Variants in TIGD3 observed in about 807,000 individuals in gnomAD.
TIGD3 encodes the protein tigger transposable element derived 3, also known as tigger transposable element-derived protein 3.
TIGD3 carries 7 observed loss-of-function variants against 14.8 expected under a neutral mutation model. The observed-to-expected ratio is 0.47, with a 90% CI of 0.27 to 0.89. TIGD3 has a LOEUF of 0.89. Ranked by LOEUF, TIGD3 falls within the 40% of genes least tolerant of loss-of-function variation. The pLI is 0.13. For missense variants in TIGD3, 581 were observed against 611.0 expected (o/e 0.95, Z 0.52); for synonymous variants, 243 against 269.4 (o/e 0.90, Z 0.96).
chr11:65,356,399 G>A lies in TIGD3; in HGVS notation c.591G>A (p.Val197=). Residue 197 remains valine, a synonymous_variant, in exon 2 of 2, where the codon GTG becomes GTA. Coordinates refer to ENST00000309880, the MANE Select transcript of TIGD3 (RefSeq NM_145719.3). This position sits in a 1 kb window ranked among gnomAD's most constrained non-coding sequence, Gnocchi z 5.2. ...GSFGACDQVQ[V]LLCANSRGTE... ...TTGGTGCATGTGATCAAGTACAGGT[G>A]CTGCTGTGTGCCAACAGCAGGGGCA... The A allele has an allele frequency of 6.2e-7, 1 of 1,610,652 alleles. No individual in the cohort carries two copies. The highest frequency in any genetic ancestry group is 8.5e-7 in the Non-Finnish European group (1 of 1,180,022).
Position 65,357,389 on chromosome 11 carries a change from C to T in TIGD3, c.*165C>T, listed in dbSNP as rs1590615522. 1 of 662,806 alleles carries T rather than the reference C, an allele frequency of 1.5e-6. No homozygotes were observed. The highest frequency in any genetic ancestry group is 2.0e-5 in the South Asian group (1 of 50,924). The allele number at this position is 662,806 out of a possible 1,614,324, so 41.1% of individuals were successfully genotyped here. The stretch of plus-strand genomic sequence containing the variant: ...CCAAGTCTGAGCTTGGAGTGGCAGT[C>T]GTCCAAACCCCAGGAAGAGAGCTCT... On this transcript the variant is annotated 3_prime_UTR_variant, in exon 2 of 2. Coordinates refer to ENST00000309880, the MANE Select transcript of TIGD3 (RefSeq NM_145719.3).
chr11:65,356,278 A>G lies in TIGD3; in HGVS notation c.470A>G (p.Gln157Arg), dbSNP rs372618746. Residue 157 changes from glutamine to arginine, a missense_variant, in exon 2 of 2, where the codon CAG becomes CGG. By Grantham distance (43) the Gln-to-Arg change is conservative. Coordinates refer to ENST00000309880, the MANE Select transcript of TIGD3 (RefSeq NM_145719.3). The surrounding 1 kb of genome is among the most constrained non-coding windows in gnomAD (Gnocchi z 5.2). ...PEPPPPGLTSQAQLPLSLKDF... is the reference protein window; with the variant it reads ...PEPPPPGLTSRAQLPLSLKDF... ...CCACCTCCCCCGGGGCTCACATCCC[A>G]GGCTCAGCTGCCTCTTTCCCTAAAA... 435 of 1,612,628 alleles carry G rather than the reference A, an allele frequency of 2.7e-4. No homozygotes were observed. Among genetic ancestry groups the G allele is most frequent in the Non-Finnish European group, 3.6e-4 (422 of 1,179,970 alleles).
chr11:65,356,988 C>T lies in TIGD3; in HGVS notation c.1180C>T (p.Arg394Cys), dbSNP rs749615100. 7 of 1,614,042 alleles carry T rather than the reference C, an allele frequency of 4.3e-6. No individual in the cohort carries two copies. The East Asian group carries it at 1.3e-4, about 31-fold the overall frequency. ...CGGGCTGAGCCTGGAGGAGTTTTCC[C>T]GCTTTGTGGACCTGGAGGGTGAGGA... ...PGGLSLEEFS[R>C]FVDLEGEEPR... Residue 394 changes from arginine (R) to cysteine (C), a missense_variant, in exon 2 of 2, where the codon CGC becomes TGC. Coordinates refer to ENST00000309880, the MANE Select transcript of TIGD3 (RefSeq NM_145719.3). This position sits in a 1 kb window ranked among gnomAD's most constrained non-coding sequence, Gnocchi z 5.2.
chr11:65,356,003 C>A lies in TIGD3; in HGVS notation c.195C>A (p.Asn65Lys). 6.2e-7 allele frequency: 1 copy of A among 1,613,790 alleles called. No individual in the cohort carries two copies. The highest frequency in any genetic ancestry group is 1.1e-5 in the South Asian group (1 of 91,086). Reference sequence around the variant, plus strand: ...CGGACTGGTGCAGCGGCACAGCCAACCGAGAGCGCAAGCGCAAGCGGGAGT... The same window carrying A: ...CGGACTGGTGCAGCGGCACAGCCAAACGAGAGCGCAAGCGCAAGCGGGAGT... ...LLADWCSGTA[N>K]RERKRKRESK... Residue 65 changes from asparagine (N) to lysine (K), a missense_variant, in exon 2 of 2, where the codon AAC becomes AAA. Transcript: ENST00000309880. The surrounding 1 kb of genome is among the most constrained non-coding windows in gnomAD (Gnocchi z 5.2).
At chr11:65,355,280 C>T (rs1174876352) in intron 1 of TIGD3, among the ~76,000 whole-genome samples, 1 of 152,062 alleles carries the variant, frequency 6.6e-6, no homozygotes, top group Non-Finnish European at 1.5e-5. Flanking sequence ...AAATTAGCCT[C>T]GCTCCTTCAG....
At chr11:65,355,037 C>A (rs904032329) in intron 1 of TIGD3, 80 bp downstream of exon 1, 1 of 151,950 alleles carries the variant, frequency 6.6e-6, no homozygotes, top group South Asian at 2.1e-4. Context: ...GGGGAGTGAC[C>A]GGCCAGGGCA....
Position 65,356,825 on chromosome 11 carries a change from C to G in TIGD3, c.1017C>G (p.Asp339Glu). The change falls in exon 2 of 2, where the codon GAC (aspartate) becomes GAG (glutamate). Residue 339 changes from aspartate (D) to glutamate (E), a missense_variant. Coordinates refer to ENST00000309880, the MANE Select transcript of TIGD3 (RefSeq NM_145719.3). This position sits in a 1 kb window ranked among gnomAD's most constrained non-coding sequence, Gnocchi z 5.2. ...CCGGGGCAGGCATCACCGTGCTGGA[C>G]GCCCTGCACGTGGCGTCTGCCGCCT... ...AEAGAGITVLDALHVASAAWA... is the reference protein window; with the variant it reads ...AEAGAGITVLEALHVASAAWA... 2 of 1,613,130 alleles carry G rather than the reference C, an allele frequency of 1.2e-6. No individual in the cohort carries two copies. The highest frequency in any genetic ancestry group is 3.3e-4 in the Middle Eastern group (2 of 6,062).
At position 65,356,020 on chromosome 11, in the gene TIGD3, A is replaced by C. The variant is rs138275061; in HGVS notation, c.212A>C (p.Lys71Thr). 6.2e-7 allele frequency: 1 copy of C among 1,613,616 alleles called. No homozygotes were observed. Among genetic ancestry groups the C allele is most frequent in the Non-Finnish European group, 8.5e-7 (1 of 1,180,028 alleles). ...ACAGCCAACCGAGAGCGCAAGCGCA[A>C]GCGGGAGTCCAAGTACAGCGGGATC... is the stretch of plus-strand genomic sequence containing the variant. Reference protein sequence around the residue: ...SGTANRERKRKRESKYSGIDE... With the variant: ...SGTANRERKRTRESKYSGIDE... Residue 71 changes from lysine to threonine, a missense_variant, in exon 2 of 2, where the codon AAG (lysine) becomes ACG (threonine). Physicochemically the swap from Lys to Thr is moderately conservative, Grantham distance 78. Coordinates refer to ENST00000309880, the MANE Select transcript of TIGD3 (RefSeq NM_145719.3). The surrounding 1 kb of genome is among the most constrained non-coding windows in gnomAD (Gnocchi z 5.2).
chr11:65,356,605 C>T lies in TIGD3; in HGVS notation c.797C>T (p.Ala266Val). Residue 266 changes from alanine to valine, a missense_variant, in exon 2 of 2, where the codon GCT (alanine) becomes GTT (valine). Physicochemically the swap from Ala to Val is moderately conservative, Grantham distance 64 (BLOSUM62 0). Coordinates refer to ENST00000309880, the MANE Select transcript of TIGD3 (RefSeq NM_145719.3). The surrounding 1 kb of genome is among the most constrained non-coding windows in gnomAD (Gnocchi z 5.2). Reference sequence around the variant, plus strand: ...GGCCGACAGGTGGCTTTGCTGCTGGCTGCCCGAGTGGTGGAGGAGCTGGCA... The same window carrying T: ...GGCCGACAGGTGGCTTTGCTGCTGGTTGCCCGAGTGGTGGAGGAGCTGGCA... The part of the protein sequence containing the change: ...QQGRQVALLL[A>V]ARVVEELAGL... 2 of 1,611,198 alleles carry T rather than the reference C, an allele frequency of 1.2e-6. No homozygotes were observed. The highest frequency in any genetic ancestry group is 1.7e-6 in the Non-Finnish European group (2 of 1,179,952).
intron 1 of TIGD3, among the ~76,000 whole-genome samples, chr11:65,355,407 C>T (rs1255678593): frequency 1.3e-5 from 2 of 150,274 alleles, no homozygotes; most frequent in Non-Finnish European, 3.0e-5. Context: ...CTCCCACTCC[C>T]TCCCGGGGGC....
chr11:65,355,082 G>T (rs994238303), intron 1 of TIGD3, 125 bp downstream of exon 1: 2 of 151,864 alleles, frequency 1.3e-5, no homozygotes, highest in African/African-American at 4.8e-5. Context: ...GGGTCCGGGC[G>T]TTCGTTCCCG....
In TIGD3 at chr11:65,356,325, T is replaced by A. The variant is rs759453577; in HGVS notation, c.517T>A (p.Phe173Ile). 2 of 1,612,472 alleles carry A rather than the reference T, an allele frequency of 1.2e-6. No homozygotes were observed. Among genetic ancestry groups the A allele is most frequent in the East Asian group, 4.5e-5 (2 of 44,884 alleles). Residue 173 changes from phenylalanine to isoleucine, a missense_variant, in exon 2 of 2, where the codon TTT (phenylalanine) becomes ATT (isoleucine). Physicochemically the swap from Phe to Ile is conservative, Grantham distance 21. Transcript: ENST00000309880. The surrounding 1 kb of genome is among the most constrained non-coding windows in gnomAD (Gnocchi z 5.2). The part of the protein sequence containing the change: ...SLKDFSPEDV[F>I]GCAELPLLYR... Reference sequence around the variant, plus strand: ...AAAAGACTTCTCTCCAGAGGACGTGTTTGGCTGTGCTGAATTGCCCTTGCT... The same window carrying A: ...AAAAGACTTCTCTCCAGAGGACGTGATTGGCTGTGCTGAATTGCCCTTGCT...
rs1253979912 is a variant in TIGD3 at position 65,357,163 on chromosome 11, C to T, written c.1355C>T (p.Pro452Leu). ...RRWFECNSTSPELFEKFYDCE... is the reference protein window; with the variant it reads ...RRWFECNSTSLELFEKFYDCE... ...TGGTTTGAATGCAACAGCACTTCTC[C>T]TGAGCTATTCGAAAAATTCTACGAC... The change falls in exon 2 of 2, where the codon CCT (proline) becomes CTT (leucine). Residue 452 changes from proline to leucine, a missense_variant. Coordinates refer to ENST00000309880, the MANE Select transcript of TIGD3 (RefSeq NM_145719.3). 1 of 1,614,196 alleles carries T rather than the reference C, an allele frequency of 6.2e-7. No individual in the cohort carries two copies.
Position 65,355,930 on chromosome 11 carries a change from C to G in TIGD3, c.122C>G (p.Ser41Cys). 1.2e-6 allele frequency: 2 copies of G among 1,613,950 alleles called. No homozygotes were observed. The highest frequency in any genetic ancestry group is 1.7e-6 in the Non-Finnish European group (2 of 1,180,038). Residue 41 changes from serine to cysteine, a missense_variant, in exon 2 of 2, where the codon TCC (serine) becomes TGC (cysteine). Coordinates refer to ENST00000309880, the MANE Select transcript of TIGD3 (RefSeq NM_145719.3). ...QSEVARRFQV[S>C]QPQISRICKN... ...GAGGTGGCCCGGCGCTTCCAGGTTT[C>G]CCAGCCCCAGATCTCGCGCATCTGC...
Position 65,356,384 on chromosome 11 carries a change from T to G in TIGD3, c.576T>G (p.Cys192Trp). 5 of 1,611,092 alleles carry G rather than the reference T, an allele frequency of 3.1e-6. No homozygotes were observed. The highest frequency in any genetic ancestry group is 4.2e-6 in the Non-Finnish European group (5 of 1,180,022). The change falls in exon 2 of 2, where the codon TGT becomes TGG. Residue 192 changes from cysteine (C) to tryptophan (W), a missense_variant. By Grantham distance (215) the Cys-to-Trp change is radical. Coordinates refer to ENST00000309880, the MANE Select transcript of TIGD3 (RefSeq NM_145719.3). This position sits in a 1 kb window ranked among gnomAD's most constrained non-coding sequence, Gnocchi z 5.2. ...CAGTGCCCGGCAGCTTTGGTGCATG[T>G]GATCAAGTACAGGTGCTGCTGTGTG... is the stretch of plus-strand genomic sequence containing the variant. ...YRAVPGSFGA[C>W]DQVQVLLCAN...
chr11:65,356,835 G>A lies in TIGD3; in HGVS notation c.1027G>A (p.Val343Met), dbSNP rs1346934461. The A allele has an allele frequency of 6.2e-7, 1 of 1,613,212 alleles. No individual in the cohort carries two copies. The highest frequency in any genetic ancestry group is 1.1e-5 in the South Asian group (1 of 91,088). ...CATCACCGTGCTGGACGCCCTGCAC[G>A]TGGCGTCTGCCGCCTGGGCCAAGGT... ...AGITVLDALHVASAAWAKVPP... is the reference protein window; with the variant it reads ...AGITVLDALHMASAAWAKVPP... Residue 343 changes from valine to methionine, a missense_variant, in exon 2 of 2, where the codon GTG becomes ATG. By Grantham distance (21) the Val-to-Met change is conservative. Coordinates refer to ENST00000309880, the MANE Select transcript of TIGD3 (RefSeq NM_145719.3). The surrounding 1 kb of genome is among the most constrained non-coding windows in gnomAD (Gnocchi z 5.2).
rs1330912765 is a variant in TIGD3 at position 65,357,080 on chromosome 11, C to G, written c.1272C>G (p.Ala424=). 4 of 1,613,678 alleles carry G rather than the reference C, an allele frequency of 2.5e-6. No homozygotes were observed. In the East Asian group the frequency reaches 8.9e-5, roughly 36 times the overall value. Reference sequence around the variant, plus strand: ...ACGAGAAGGGGGACAGAGAGGGTGCCTTTGAGCCCCTGCCCACCAAAGCTG... The same window carrying G: ...ACGAGAAGGGGGACAGAGAGGGTGCGTTTGAGCCCCTGCCCACCAAAGCTG... ...TEDEKGDREG[A]FEPLPTKADA... Residue 424 remains alanine (A), a synonymous_variant, in exon 2 of 2, where the codon GCC becomes GCG. Transcript: ENST00000309880.
In TIGD3 at chr11:65,355,853, C is replaced by G. The variant is rs1204870827; in HGVS notation, c.45C>G (p.Ala15=). The change falls in exon 2 of 2, where the codon GCC becomes GCG. Residue 15 remains alanine, a synonymous_variant. Coordinates refer to ENST00000309880, the MANE Select transcript of TIGD3 (RefSeq NM_145719.3). ...SKKKLHALSL[A]EKIQVLELLD... ...AGAAGCTTCACGCCCTGTCCCTGGC[C>G]GAGAAGATCCAGGTGCTGGAACTCC... 2 of 1,613,774 alleles carry G rather than the reference C, an allele frequency of 1.2e-6. No individual in the cohort carries two copies. The highest frequency in any genetic ancestry group is 2.2e-5 in the South Asian group (2 of 91,082).
In TIGD3 at chr11:65,356,363, G is replaced by T; in HGVS notation, c.555G>T (p.Val185=). The T allele has an allele frequency of 6.2e-7, 1 of 1,611,644 alleles. No homozygotes were observed. Among genetic ancestry groups the T allele is most frequent in the East Asian group, 2.2e-5 (1 of 44,890 alleles). The change falls in exon 2 of 2, where the codon GTG becomes GTT. Residue 185 remains valine, a synonymous_variant. Transcript: ENST00000309880. This position sits in a 1 kb window ranked among gnomAD's most constrained non-coding sequence, Gnocchi z 5.2. ...CAELPLLYRA[V]PGSFGACDQV... ...AATTGCCCTTGCTGTATCGGGCAGT[G>T]CCCGGCAGCTTTGGTGCATGTGATC... is the stretch of plus-strand genomic sequence containing the variant.
Sources: allele counts gnomAD v4.1 joint callset (sites outside exome capture counted in the v4.1 genomes callset), GRCh38; gene constraint gnomAD v4.1.1; non-coding constraint Gnocchi (gnomAD v3.1); transcripts MANE v1.5; gene names NCBI Gene and HGNC (gene_info 2026-07-23, HGNC 2026-07-21).